Variants in ZNF519 observed in about 807,000 individuals in gnomAD.
ZNF519 encodes similar to Zinc finger protein 85 (Zinc finger protein HPF4) (HTF1).
ZNF519 carries 7 observed loss-of-function variants against 7.4 expected under a neutral mutation model. The observed-to-expected ratio is 0.94, with a 90% CI of 0.54 to 1.77. The LOEUF (loss-of-function observed/expected upper bound fraction) is 1.77, where lower values mean the gene tolerates loss of function less well. Ranked by LOEUF, ZNF519 falls within the 40% of genes most tolerant of loss-of-function variation. The pLI is 0.00. For missense variants in ZNF519, 586 were observed against 623.1 expected, an observed-to-expected ratio of 0.94 and a Z score of 0.63; for synonymous variants, 179 against 203.3, an observed-to-expected ratio of 0.88 and a Z score of 1.02.
chr18:14,123,627 A>G (rs1390179915), intron 2 of ZNF519, among the ~76,000 whole-genome samples: 5 of 151,962 alleles, frequency 3.3e-5, no homozygotes, highest in African/African-American at 9.7e-5. Flanking sequence ...GCTGAGGCAG[A>G]AGTGCTTGAA....
exon 5 of ZNF519, chr18:14,076,771 C>T (rs2046049493): frequency 6.6e-6 from 1 of 152,070 alleles, no homozygotes; most frequent in African/African-American, 2.4e-5. Flanking sequence ...TGCCGAAGAT[C>T]TTGACCTTTT....
chr18:14,124,254 T>C, intron 2 of ZNF519, 96 bp downstream of exon 2: 2 of 1,152,976 alleles, frequency 1.7e-6, no homozygotes. Flanking sequence ...CTGAAATTAA[T>C]TCATGCAAAG....
intron 2 of ZNF519, among the ~76,000 whole-genome samples, chr18:14,114,214 C>A (rs185187650): frequency 6.6e-6 from 1 of 152,128 alleles, no homozygotes; most frequent in Non-Finnish European, 1.5e-5. Context: ...ATCTTTACCC[C>A]ATTTAATTTC....
At chr18:14,092,662 C>T (rs1465606014) in intron 2 of ZNF519, among the ~76,000 whole-genome samples, 4 of 152,124 alleles carry the variant, frequency 2.6e-5, no homozygotes, top group Non-Finnish European at 5.9e-5. Flanking sequence ...TGCGCAGAAT[C>T]CCCATAAATC....
At chr18:14,111,334 G>A (rs953252192) in intron 2 of ZNF519, among the ~76,000 whole-genome samples, 17 of 150,850 alleles carry the variant, frequency 1.1e-4, no homozygotes, top group East Asian at 2.0e-4. Context: ...GCGAAACCCC[G>A]TCTCTACTAA....
intron 2 of ZNF519, among the ~76,000 whole-genome samples, chr18:14,123,550 C>A (rs2046280358): frequency 6.6e-6 from 1 of 152,064 alleles, no homozygotes; most frequent in Admixed American, 6.6e-5. Context: ...AAAACCCTGT[C>A]TCTACTAAAA....
chr18:14,094,380 C>T (rs918618599), intron 2 of ZNF519, among the ~76,000 whole-genome samples: 23 of 152,114 alleles, frequency 1.5e-4, no homozygotes, highest in Admixed American at 1.2e-3. Flanking sequence ...TTTATAAAAC[C>T]GGCTTTTTCC....
At chr18:14,091,461 C>T (rs552356613) in intron 2 of ZNF519, among the ~76,000 whole-genome samples, 3 of 152,200 alleles carry the variant, frequency 2.0e-5, no homozygotes, top group African/African-American at 7.2e-5. Flanking sequence ...GCGGTGAAGA[C>T]AAACTGGGTC....
intron 2 of ZNF519, among the ~76,000 whole-genome samples, chr18:14,113,645 T>G (rs1040282130): frequency 6.6e-6 from 1 of 152,114 alleles, no homozygotes; most frequent in African/African-American, 2.4e-5. Context: ...TGATTTCCCT[T>G]GTGTACATAC....
chr18:14,113,380 C>T (rs563985226), intron 2 of ZNF519, among the ~76,000 whole-genome samples: 3 of 152,284 alleles, frequency 2.0e-5, no homozygotes, highest in Admixed American at 6.5e-5. Context: ...CTACCCATGA[C>T]CTGGAAACTC....
intron 3 of ZNF519, among the ~76,000 whole-genome samples, chr18:14,081,713 C>A (rs1008591190): frequency 6.6e-6 from 1 of 152,058 alleles, no homozygotes; most frequent in Non-Finnish European, 1.5e-5. Context: ...ATGGTGTACA[C>A]AAGAAGACTG....
At chr18:14,080,111 G>C (rs1204501157) in intron 3 of ZNF519, 1 of 151,922 alleles carries the variant, frequency 6.6e-6, no homozygotes. Flanking sequence ...AGATGACAAA[G>C]AGGCAGACAA....
intron 2 of ZNF519, among the ~76,000 whole-genome samples, chr18:14,120,751 T>C (rs2046266174): frequency 1.3e-5 from 2 of 152,032 alleles, no homozygotes; most frequent in East Asian, 3.9e-4. Context: ...AAGACATACA[T>C]ACAAGGGAAA....
In ZNF519 at chr18:14,132,261, C is replaced by T. The variant is rs372635028; in HGVS notation, c.3+14G>A. On this transcript the variant is annotated intron_variant, in intron 1 of 2. Coordinates refer to ENST00000590202, the MANE Select transcript of ZNF519 (RefSeq NM_145287.4). ...CCCTCCCCAGTCTCGGTACGCCCTG[C>T]CCCCCACACTCACCATTTCTCGGCT... 5.0e-6 allele frequency: 8 copies of T among 1,613,362 alleles called. No homozygotes were observed. The highest frequency in any genetic ancestry group is 1.3e-5 in the African/African-American group (1 of 74,848).
intron 2 of ZNF519, 26 bp downstream of exon 2, chr18:14,124,324 G>A (rs1439696997): frequency 6.3e-7 from 1 of 1,576,928 alleles, no homozygotes; most frequent in South Asian, 1.2e-5. Context: ...GGAGAATTAG[G>A]AATTATGTAT....
At chr18:14,126,581 A>G (rs2046300540) in intron 1 of ZNF519, among the ~76,000 whole-genome samples, 1 of 152,172 alleles carries the variant, frequency 6.6e-6, no homozygotes, top group African/African-American at 2.4e-5. Context: ...TGTGCTCTAG[A>G]TTGCAAGCTC....
intron 3 of ZNF519, among the ~76,000 whole-genome samples, chr18:14,081,490 A>T (rs1404316621): frequency 1.3e-5 from 2 of 152,210 alleles, no homozygotes; most frequent in Admixed American, 6.5e-5. Flanking sequence ...CTGGACAGGC[A>T]GTTGCTGGGC....
At position 14,106,235 on chromosome 18, in the gene ZNF519, C is replaced by T; in HGVS notation, c.305G>A (p.Ser102Asn). 6.2e-7 allele frequency: 1 copy of T among 1,613,602 alleles called. No homozygotes were observed. Among genetic ancestry groups the T allele is most frequent in the Non-Finnish European group, 8.5e-7 (1 of 1,179,916 alleles). ...EGQKECYNLC[S>N]QYLTTSHNKH... ...GTTATGACTAGTTGTCAAATATTGG[C>T]TACATAGATTATAACATTCCTTTTG... Residue 102 changes from serine to asparagine, a missense_variant, in exon 3 of 3, where the codon AGC becomes AAC. Physicochemically the swap from Ser to Asn is conservative, Grantham distance 46. Transcript: ENST00000590202.
chr18:14,098,711 T>C (rs528241334), downstream of ZNF519, among the ~76,000 whole-genome samples: 4 of 152,294 alleles, frequency 2.6e-5, no homozygotes, highest in East Asian at 7.7e-4. Context: ...ACTGCCAAGA[T>C]TTTCCTGGTT....
Sources: gnomAD v4.1 joint callset for allele counts (sites outside exome capture counted in the v4.1 genomes callset) on GRCh38, gnomAD v4.1.1 for gene constraint, MANE v1.5 for transcripts, NCBI Gene and HGNC (gene_info 2026-07-23, HGNC 2026-07-21) for gene names.